The following STXBP5L variants were observed in gnomAD, a reference collection of about 807,000 sequenced individuals.
The protein encoded by STXBP5L is syntaxin binding protein 5L, also known as syntaxin-binding protein 5-like.
Under a neutral mutation model 144.5 loss-of-function variants are expected in STXBP5L, and 65 were observed. The ratio of observed to expected loss-of-function variants is 0.45; its 90% confidence interval spans 0.37 to 0.55. The LOEUF (loss-of-function observed/expected upper bound fraction) is 0.55. STXBP5L is among the 20% of genes least tolerant of loss of function. The pLI is 0.00. For synonymous variants in STXBP5L, 505 were observed against 469.6 expected (o/e 1.08, Z -0.97); for missense variants, 1,298 against 1,405.5 (o/e 0.92, Z 1.22).
intron 14 of STXBP5L, among the ~76,000 whole-genome samples, chr3:121,248,877 T>C (rs2049943282): frequency 6.6e-6 from 1 of 152,228 alleles, no homozygotes; most frequent in South Asian, 2.1e-4. Flanking sequence ...TAGCCAGTTA[T>C]CCCAGCACCC....
intron 15 of STXBP5L, among the ~76,000 whole-genome samples, chr3:121,253,731 C>G (rs1202973347): frequency 6.6e-6 from 1 of 150,442 alleles, no homozygotes; most frequent in Non-Finnish European, 1.5e-5. Flanking sequence ...TGGGTTCACG[C>G]CATTCTCCTG....
intron 2 of STXBP5L, among the ~76,000 whole-genome samples, chr3:120,934,154 G>T (rs1576442751): frequency 1.5e-5 from 2 of 137,622 alleles, no homozygotes; most frequent in South Asian, 2.2e-4. Context: ...TGTACATTCT[G>T]CCTGTGTTCC....
At chr3:121,296,891 C>A (rs2051674066) in intron 19 of STXBP5L, among the ~76,000 whole-genome samples, 1 of 152,150 alleles carries the variant, frequency 6.6e-6, no homozygotes, top group Non-Finnish European at 1.5e-5. Flanking sequence ...TGCAGGTGGA[C>A]TGGAAGGCAG....
chr3:121,008,212 C>G (rs1044465154), intron 3 of STXBP5L, among the ~76,000 whole-genome samples: 2 of 152,038 alleles, frequency 1.3e-5, no homozygotes, highest in East Asian at 3.9e-4. Flanking sequence ...TCCTGGACCA[C>G]TTTTAGTAGC....
At chr3:121,050,523 C>T (rs940916167) in intron 5 of STXBP5L, among the ~76,000 whole-genome samples, 6 of 152,034 alleles carry the variant, frequency 3.9e-5, no homozygotes, top group African/African-American at 1.4e-4. Context: ...ACTTTACAGA[C>T]AAGCAAATGC....
At position 121,298,540 on chromosome 3, in the gene STXBP5L, G is replaced by T. The variant is rs186136796; in HGVS notation, c.2110+18584G>T. On this transcript the variant is annotated intron_variant, in intron 19 of 26. Coordinates refer to ENST00000471454, the MANE Select transcript of STXBP5L (RefSeq NM_001308330.2). ...ATCTGCAGACAGATGAATGAATAAA[G>T]AAAATGTGGTAGATACATACAATGG... Among the ~76,000 whole-genome samples, 4 of 152,166 alleles carry T rather than the reference G, an allele frequency of 2.6e-5. No individual in the cohort carries two copies. In the South Asian group the frequency reaches 6.2e-4, roughly 24 times the overall value.
At chr3:120,995,258 T>C (rs2107999267) in intron 3 of STXBP5L, among the ~76,000 whole-genome samples, 1 of 152,178 alleles carries the variant, frequency 6.6e-6, no homozygotes, top group South Asian at 2.1e-4. Flanking sequence ...AGCGATCCTT[T>C]CACTTCAGCC....
intron 5 of STXBP5L, among the ~76,000 whole-genome samples, chr3:121,062,319 C>T (rs1348874879): frequency 6.6e-6 from 1 of 152,142 alleles, no homozygotes; most frequent in Non-Finnish European, 1.5e-5. Flanking sequence ...AATATTTTCC[C>T]CCCACTTTCT....
At chr3:121,099,927 G>A (rs905546480) in intron 5 of STXBP5L, among the ~76,000 whole-genome samples, 31 of 151,628 alleles carry the variant, frequency 2.0e-4, no homozygotes, top group Non-Finnish European at 2.9e-4. Flanking sequence ...CACACAAATC[G>A]AAAACAAAAA....
intron 3 of STXBP5L, among the ~76,000 whole-genome samples, chr3:121,023,315 C>T (rs1945695768): frequency 6.6e-6 from 1 of 152,172 alleles, no homozygotes; most frequent in South Asian, 2.1e-4. Context: ...AATGACTATA[C>T]TTCCAAAAGC....
chr3:121,249,226 G>A (rs757285237), intron 14 of STXBP5L, among the ~76,000 whole-genome samples: 12 of 152,036 alleles, frequency 7.9e-5, no homozygotes, highest in Non-Finnish European at 1.6e-4. Context: ...TGCTTTGGGC[G>A]TATGACCATC....
chr3:121,109,255 G>T (rs1027356999), intron 5 of STXBP5L, among the ~76,000 whole-genome samples: 1 of 152,014 alleles, frequency 6.6e-6, no homozygotes, highest in African/African-American at 2.4e-5. Context: ...TCTGATCTTG[G>T]TTATTTCTTG....
chr3:120,939,152 A>C (rs1483246717), intron 2 of STXBP5L, among the ~76,000 whole-genome samples: 1 of 152,190 alleles, frequency 6.6e-6, no homozygotes, highest in Non-Finnish European at 1.5e-5. Flanking sequence ...GGCTATAGAA[A>C]TAAATAAAAA....
At chr3:121,179,563 CA>C (rs1317000396) in intron 9 of STXBP5L, among the ~76,000 whole-genome samples, 2 of 152,110 alleles carry the variant, frequency 1.3e-5, no homozygotes, top group African/African-American at 4.8e-5. Flanking sequence ...ACTAGCTCTC[CA>C]GCAATGGATC....
chr3:121,335,811 A>C (rs938458664), intron 20 of STXBP5L, among the ~76,000 whole-genome samples: 2 of 152,214 alleles, frequency 1.3e-5, no homozygotes, highest in African/African-American at 2.4e-5. Flanking sequence ...AAAACTATAA[A>C]AACCCTGGAA....
chr3:120,979,225 G>A (rs1197405624), intron 3 of STXBP5L, among the ~76,000 whole-genome samples: 1 of 152,188 alleles, frequency 6.6e-6, no homozygotes. Context: ...CGGCTGCTTT[G>A]TTTACCTAAG....
rs112411757 is a variant in STXBP5L, at chr3:120,971,666, T to C, written c.287+16629T>C. ...ACACACACACACACACACACACATA[T>C]ACATTCATCTATATACACACATATA... On this transcript the variant is annotated intron_variant, in intron 3 of 26. Transcript: ENST00000471454. Among the ~76,000 whole-genome samples, 376 of 151,114 alleles carry C rather than the reference T, an allele frequency of 2.5e-3. 2 individuals are homozygous for C. The highest frequency in any genetic ancestry group is 8.6e-3 in the African/African-American group (354 of 41,060).
intron 10 of STXBP5L, among the ~76,000 whole-genome samples, chr3:121,217,903 T>G (rs1341477795): frequency 2.0e-5 from 3 of 150,492 alleles, no homozygotes; most frequent in African/African-American, 7.3e-5. Flanking sequence ...CTTTACAATT[T>G]GTATTTCTGT....
chr3:121,210,134 T>C (rs1201070652), intron 10 of STXBP5L, among the ~76,000 whole-genome samples: 1 of 152,062 alleles, frequency 6.6e-6, no homozygotes, highest in Non-Finnish European at 1.5e-5. Flanking sequence ...TTCTAACTGG[T>C]GTGAGATGGT....
Sources: gnomAD v4.1 joint callset for allele counts (sites outside exome capture counted in the v4.1 genomes callset) on GRCh38, gnomAD v4.1.1 for gene constraint, MANE v1.5 for transcripts, NCBI Gene and HGNC (gene_info 2026-07-23, HGNC 2026-07-21) for gene names.